PTPN12: variants seen among roughly 807,000 people sequenced by gnomAD.
The protein encoded by PTPN12 is protein tyrosine phosphatase non-receptor type 12, also known as tyrosine-protein phosphatase non-receptor type 12.
A neutral mutation model predicts 97.6 loss-of-function variants in PTPN12; 29 were observed. The observed-to-expected ratio is 0.30, with a 90% CI of 0.22 to 0.41. PTPN12 has a LOEUF of 0.41. PTPN12 is among the 10% of genes least tolerant of loss of function. The probability of loss-of-function intolerance (pLI) is 1.00; values close to 1 mark genes in which losing one functional copy is unlikely to be tolerated. For synonymous variants in PTPN12, 327 were observed against 300.4 expected (o/e 1.09, Z -0.91); for missense variants, 819 against 926.0 (o/e 0.88, Z 1.50).
intron 15 of PTPN12, among the ~76,000 whole-genome samples, chr7:77,636,341 G>C (rs117256971): frequency 1.3e-5 from 2 of 151,952 alleles, no homozygotes; most frequent in African/African-American, 4.8e-5. Context: ...ACAGCACTTT[G>C]GGAGGCCAAG....
chr7:77,566,534 C>A (rs1321541266), intron 1 of PTPN12, among the ~76,000 whole-genome samples: 2 of 152,116 alleles, frequency 1.3e-5, no homozygotes, highest in Non-Finnish European at 2.9e-5. Context: ...CCAGCCTGGA[C>A]AACGTGGCGA....
intron 1 of PTPN12, among the ~76,000 whole-genome samples, chr7:77,545,491 C>G (rs1040473393): frequency 7.9e-5 from 12 of 151,968 alleles, no homozygotes; most frequent in Admixed American, 5.2e-4. Context: ...AAAGTCAATT[C>G]AAAACATATG....
intron 1 of PTPN12, among the ~76,000 whole-genome samples, chr7:77,567,999 G>A (rs1174391873): frequency 6.6e-6 from 1 of 152,080 alleles, no homozygotes; most frequent in Non-Finnish European, 1.5e-5. Context: ...TGGGAAATAA[G>A]TTCCAACTTG....
chr7:77,604,209 C>CATT (rs1554320981), intron 8 of PTPN12, among the ~76,000 whole-genome samples: 3 of 52,790 alleles, frequency 5.7e-5, no homozygotes, highest in Admixed American at 3.4e-4. Flanking sequence ...TTTTTTCTTC[C>CATT]TTTTTTTTTT....
At chr7:77,593,285 AT>A (rs1787924248) in intron 6 of PTPN12, among the ~76,000 whole-genome samples, 1 of 142,094 alleles carries the variant, frequency 7.0e-6, no homozygotes, top group Non-Finnish European at 1.5e-5. Flanking sequence ...AAAAAAAAAA[AT>A]TAATGAATTT....
chr7:77,559,966 A>G (rs1807924382), intron 1 of PTPN12, among the ~76,000 whole-genome samples: 1 of 152,226 alleles, frequency 6.6e-6, no homozygotes. Context: ...CTATATGACT[A>G]GGACATGTTT....
chr7:77,629,301 T>A (rs992345612), intron 13 of PTPN12, among the ~76,000 whole-genome samples: 5 of 152,232 alleles, frequency 3.3e-5, no homozygotes, highest in Non-Finnish European at 7.3e-5. Flanking sequence ...TTTTCTTGAT[T>A]TATCTTTGTT....
intron 1 of PTPN12, among the ~76,000 whole-genome samples, chr7:77,546,888 C>G (rs991312912): frequency 6.6e-6 from 1 of 152,116 alleles, no homozygotes; most frequent in Non-Finnish European, 1.5e-5. Context: ...CTTGTGAGAA[C>G]TCACTATCAG....
chr7:77,587,655 C>CCTTTGAAG (rs1276656356), intron 5 of PTPN12, among the ~76,000 whole-genome samples: 1 of 152,180 alleles, frequency 6.6e-6, no homozygotes, highest in Non-Finnish European at 1.5e-5. Context: ...GTCAGCATGT[C>CCTTTGAAG]CTTTGAAGCT....
In PTPN12 at chr7:77,637,063, T is replaced by C; in HGVS notation, c.2173+15T>C. The C allele has an allele frequency of 1.3e-6, 2 of 1,598,808 alleles. No homozygotes were observed. Among genetic ancestry groups the C allele is most frequent in the Admixed American group, 3.4e-5 (2 of 59,542 alleles). ...TGAGAAATGTGGTAAGTTGTTAGAT[T>C]TTTTTTTTCCTTTTTACTGTAGATT... On this transcript the variant is annotated intron_variant, in intron 16 of 17. Transcript: ENST00000248594.
chr7:77,619,515 G>T (rs1788862917), intron 12 of PTPN12, among the ~76,000 whole-genome samples: 1 of 152,204 alleles, frequency 6.6e-6, no homozygotes, highest in Non-Finnish European at 1.5e-5. Flanking sequence ...GACCATGCAA[G>T]ATTCTAACTG....
Position 77,627,182 on chromosome 7 carries a change from A to C in PTPN12, c.1503A>C (p.Thr501=). ...ATTCTTGTGTGGACTGCAGTGTAAC[A>C]CAATCAAACAAAGTTTCAGTTACTC... ...SQNSCVDCSV[T]QSNKVSVTPP... Residue 501 remains threonine (T), a synonymous_variant, in exon 13 of 18, where the codon ACA becomes ACC. Transcript: ENST00000248594. 2 of 1,614,196 alleles carry C rather than the reference A, an allele frequency of 1.2e-6. No individual in the cohort carries two copies. The highest frequency in any genetic ancestry group is 1.7e-6 in the Non-Finnish European group (2 of 1,180,030).
chr7:77,542,834 A>G (rs1807044485), intron 1 of PTPN12, among the ~76,000 whole-genome samples: 1 of 152,160 alleles, frequency 6.6e-6, no homozygotes, highest in Admixed American at 6.5e-5. Flanking sequence ...TCCAGTAGAA[A>G]TGTAGAGCTC....
chr7:77,541,590 G>GAA (rs2151293512), intron 1 of PTPN12, among the ~76,000 whole-genome samples: 1 of 152,198 alleles, frequency 6.6e-6, no homozygotes, highest in East Asian at 1.9e-4. Context: ...TCATAAACTT[G>GAA]AAAAAGTTTT....
chr7:77,611,225 A>G (rs142035402), intron 11 of PTPN12, among the ~76,000 whole-genome samples, 179 bp downstream of exon 11: 2 of 152,308 alleles, frequency 1.3e-5, no homozygotes, highest in African/African-American at 4.8e-5. Flanking sequence ...TGGCTATTTA[A>G]TGACTCCGAT....
At chr7:77,629,059 C>G (rs983171982) in intron 13 of PTPN12, among the ~76,000 whole-genome samples, 1 of 152,132 alleles carries the variant, frequency 6.6e-6, no homozygotes, top group Non-Finnish European at 1.5e-5. Context: ...AAGGAATTCT[C>G]CTGCCTCATC....
chr7:77,615,398 A>T (rs1203362171), intron 11 of PTPN12, among the ~76,000 whole-genome samples: 1 of 152,212 alleles, frequency 6.6e-6, no homozygotes, highest in South Asian at 2.1e-4. Flanking sequence ...TAAAGCTGTT[A>T]TATGGAAAAT....
intron 1 of PTPN12, among the ~76,000 whole-genome samples, chr7:77,541,720 T>C (rs1391170993): frequency 2.6e-5 from 4 of 152,200 alleles, no homozygotes; most frequent in African/African-American, 9.7e-5. Context: ...CTATTGAGGA[T>C]AGAAATTTTC....
Position 77,625,516 on chromosome 7 carries a change from T to A in PTPN12, c.1026-1189T>A, listed in dbSNP as rs1360587867. 1.4e-3 allele frequency among the ~76,000 whole-genome samples: 140 copies of A among 100,356 alleles called. 6 individuals are homozygous for A. The highest frequency in any genetic ancestry group is 5.2e-3 in the Middle Eastern group (1 of 194). The allele number at this position is 100,356 out of a possible 152,430, so 65.8% of individuals were successfully genotyped here. A position where few individuals can be genotyped will look rare whatever the true frequency, so the allele number is the denominator to read the frequency against. On this transcript the variant is annotated intron_variant, in intron 12 of 17. Coordinates refer to ENST00000248594, the MANE Select transcript of PTPN12 (RefSeq NM_002835.4). ...CTCTCTCTCTCTCTCTCTCTCTCTCTCTCTCTCACTCTCACTCTCACTCGC... is the reference window on the plus strand; with the variant it reads ...CTCTCTCTCTCTCTCTCTCTCTCTCACTCTCTCACTCTCACTCTCACTCGC...
Sources: allele counts gnomAD v4.1 joint callset (sites outside exome capture counted in the v4.1 genomes callset), GRCh38; gene constraint gnomAD v4.1.1; transcripts MANE v1.5; gene names NCBI Gene and HGNC (gene_info 2026-07-23, HGNC 2026-07-21).